Variants in FBXL2 observed in about 807,000 individuals in gnomAD.
FBXL2 encodes F-box/LRR-repeat protein 2.
Under a neutral mutation model 69.2 loss-of-function variants are expected in FBXL2, and 38 were observed. The ratio of observed to expected loss-of-function variants is 0.55; its 90% CI spans 0.42 to 0.72. The LOEUF is 0.72. FBXL2 is among the 30% of genes least tolerant of loss of function. The probability of loss-of-function intolerance (pLI) is 0.00; values close to 1 mark genes in which losing one functional copy is unlikely to be tolerated. For synonymous variants in FBXL2, 192 were observed against 201.3 expected, an observed-to-expected ratio of 0.95 and a Z score of 0.39; for missense variants, 354 against 520.3, an observed-to-expected ratio of 0.68 and a Z score of 3.11.
At chr3:33,397,550 A>T (rs1031167111) in intron 12 of FBXL2, 1 of 153,142 alleles carries the variant, frequency 6.5e-6, no homozygotes, top group African/African-American at 2.4e-5. Context: ...AAGGAAATGG[A>T]AGTCCAGAGT....
intron 1 of FBXL2, 147 bp downstream of exon 1, chr3:33,277,662 G>A (rs1444269365): frequency 1.2e-6 from 1 of 867,138 alleles, no homozygotes; most frequent in Non-Finnish European, 1.5e-6. Flanking sequence ...GGGCAGGGCA[G>A]GGCTGGGCGG....
At chr3:33,361,750 A>G (rs1056505283) in intron 4 of FBXL2, among the ~76,000 whole-genome samples, 1 of 152,198 alleles carries the variant, frequency 6.6e-6, no homozygotes, top group Non-Finnish European at 1.5e-5. Context: ...GTTTCAATCT[A>G]GTCATAACAC....
At chr3:33,401,738 A>C (rs1424495331) in intron 12 of FBXL2, among the ~76,000 whole-genome samples, 1 of 152,230 alleles carries the variant, frequency 6.6e-6, no homozygotes, top group Non-Finnish European at 1.5e-5. Flanking sequence ...ATGTATCAGA[A>C]CACTTAGAAC....
At chr3:33,371,649 C>T (rs915722940) in intron 5 of FBXL2, among the ~76,000 whole-genome samples, 1 of 151,968 alleles carries the variant, frequency 6.6e-6, no homozygotes, top group African/African-American at 2.4e-5. Flanking sequence ...TACCTTTTCT[C>T]TTTATTGTGG....
the FBXL2 span, among the ~76,000 whole-genome samples, chr3:33,410,889 T>C: frequency 2.0e-5 from 3 of 151,908 alleles, no homozygotes; most frequent in African/African-American, 4.8e-5. Flanking sequence ...CTGGCCAATA[T>C]GGTGAAACCC....
At chr3:33,418,596 C>T in the FBXL2 span, among the ~76,000 whole-genome samples, 15 of 151,686 alleles carry the variant, frequency 9.9e-5, no homozygotes, top group South Asian at 2.1e-4. Flanking sequence ...CAGTGGCTCA[C>T]GCTTGTAATC....
At chr3:33,373,051 C>A in intron 5 of FBXL2, 41 bp from the exon 6 acceptor site, 2 of 1,577,970 alleles carry the variant, frequency 1.3e-6, no homozygotes, top group Non-Finnish European at 1.7e-6. Context: ...AGTGGCTGTC[C>A]AGCAACTTGC....
intron 2 of FBXL2, among the ~76,000 whole-genome samples, chr3:33,302,845 G>C (rs1287226639): frequency 6.6e-6 from 1 of 152,152 alleles, no homozygotes; most frequent in African/African-American, 2.4e-5. Context: ...AGTTTTAGTA[G>C]TTGAATTTGC....
chr3:33,394,281 C>G (rs1000441976), intron 12 of FBXL2, among the ~76,000 whole-genome samples: 26 of 151,456 alleles, frequency 1.7e-4, no homozygotes, highest in Admixed American at 1.7e-3. Flanking sequence ...CCTGGGCTCA[C>G]GCAGTCTGCC....
intron 2 of FBXL2, among the ~76,000 whole-genome samples, chr3:33,346,766 T>C (rs955339435): frequency 2.6e-5 from 4 of 152,204 alleles, no homozygotes; most frequent in Admixed American, 2.0e-4. Context: ...TTGTTGTTGC[T>C]GGTCACATGG....
downstream of FBXL2, among the ~76,000 whole-genome samples, chr3:33,408,014 A>AT (rs1304829861): frequency 1.3e-5 from 2 of 152,214 alleles, no homozygotes; most frequent in African/African-American, 4.8e-5. Context: ...CCCTGACTGC[A>AT]TATTGGGGGC....
At chr3:33,337,399 A>G (rs560664834) in intron 2 of FBXL2, among the ~76,000 whole-genome samples, 9 of 152,328 alleles carry the variant, frequency 5.9e-5, no homozygotes, top group Admixed American at 1.3e-4. Context: ...GGTGCTCACA[A>G]TCATCACTTG....
At chr3:33,358,290 T>C (rs901642907) in intron 2 of FBXL2, among the ~76,000 whole-genome samples, 4 of 152,242 alleles carry the variant, frequency 2.6e-5, no homozygotes, top group African/African-American at 7.2e-5. Flanking sequence ...GCTCACATAC[T>C]ATGAGCAGCA....
At chr3:33,364,551 TTC>T (rs1327803204) in intron 4 of FBXL2, 72 bp from the exon 5 acceptor site, 1 of 1,272,704 alleles carries the variant, frequency 7.9e-7, no homozygotes, top group African/African-American at 1.5e-5. Flanking sequence ...GTTCCTAGAT[TTC>T]AGGTTATTTT....
chr3:33,412,824 T>C, the FBXL2 span: 1 of 1,610,542 alleles, frequency 6.2e-7, no homozygotes, highest in Non-Finnish European at 8.5e-7. Context: ...ACCCTTATGA[T>C]GCTCTGTGGA....
Position 33,373,346 on chromosome 3 carries a change from A to G in FBXL2, c.446A>G (p.Lys149Arg). Residue 149 changes from lysine to arginine, a missense_variant, in exon 7 of 15, where the codon AAG (lysine) becomes AGG (arginine). Coordinates refer to ENST00000484457, the MANE Select transcript of FBXL2 (RefSeq NM_012157.5). ...SCVSITNSSL[K>R]GISEGCRNLE... ...GTGTCTATTACAAACAGCTCCTTGA[A>G]GGGGATCAGGTAAGAGTGCCCATTG... 1.2e-6 allele frequency: 2 copies of G among 1,611,032 alleles called. No individual in the cohort carries two copies. The highest frequency in any genetic ancestry group is 1.7e-6 in the Non-Finnish European group (2 of 1,177,152).
downstream of FBXL2, chr3:33,392,493 G>T: frequency 1.6e-6 from 2 of 1,284,002 alleles, no homozygotes; most frequent in Non-Finnish European, 1.1e-6. Context: ...AAACACGAGA[G>T]GCACTAATTA....
intron 10 of FBXL2, among the ~76,000 whole-genome samples, chr3:33,376,134 T>C (rs113954630): frequency 0.28 from 40,561 of 146,312 alleles, 6,291 homozygotes; most frequent in East Asian, 0.48. Context: ...CTAGTCTAGG[T>C]GACAAGAGTG....
At chr3:33,395,593 G>A (rs2043946255) in intron 12 of FBXL2, among the ~76,000 whole-genome samples, 2 of 151,760 alleles carry the variant, frequency 1.3e-5, no homozygotes, top group Admixed American at 6.6e-5. Context: ...TATTTACAGT[G>A]ACATAAAAAC....
Sources: gnomAD v4.1 joint callset for allele counts (sites outside exome capture counted in the v4.1 genomes callset) on GRCh38, gnomAD v4.1.1 for gene constraint, MANE v1.5 for transcripts, NCBI Gene and HGNC (gene_info 2026-07-23, HGNC 2026-07-21) for gene names.